The following MEGF8 variants were observed in gnomAD, a reference collection of about 807,000 sequenced individuals.
The protein encoded by MEGF8 is multiple epidermal growth factor-like domains protein 8.
MEGF8 carries 156 observed loss-of-function variants against 302.9 expected under a neutral mutation model. The ratio of observed to expected loss-of-function variants is 0.52; its 90% CI spans 0.45 to 0.59. The LOEUF (loss-of-function observed/expected upper bound fraction) is 0.59, where lower values mean the gene tolerates loss of function less well. Ranked by LOEUF, MEGF8 falls within the 20% of genes least tolerant of loss-of-function variation. The pLI is 0.00. For synonymous variants in MEGF8, 1,621 were observed against 1,660.5 expected (o/e 0.98, Z 0.58); for missense variants, 3,345 against 3,964.5 (o/e 0.84, Z 4.20).
chr19:42,358,969 G>A lies in MEGF8; in HGVS notation c.5343+15G>A, dbSNP rs1251585057. ...ACCTGAAGGAGGTGAGATTTGAAGA[G>A]GGTTAGGATTGGGTGGGCTGGTAGG... On this transcript the variant is annotated intron_variant, in intron 30 of 41. Coordinates refer to ENST00000251268, the MANE Select transcript of MEGF8 (RefSeq NM_001271938.2). The surrounding 1 kb of genome is among the most constrained non-coding windows in gnomAD (Gnocchi z 4.4). 1.7e-5 allele frequency: 27 copies of A among 1,606,156 alleles called. No homozygotes were observed. The highest frequency in any genetic ancestry group is 2.3e-5 in the Non-Finnish European group (27 of 1,176,716).
intron 23 of MEGF8, among the ~76,000 whole-genome samples, chr19:42,355,077 C>G (rs186192834): frequency 6.6e-6 from 1 of 152,148 alleles, no homozygotes; most frequent in Non-Finnish European, 1.5e-5. Context: ...CTGCCTCAGC[C>G]TCCCGAGTAG....
rs1399438456 is a variant in MEGF8, at chr19:42,335,324, A to G, written c.767A>G (p.Asp256Gly). ...GGQDLNNALG[D>G]LVLYNFSANT... The stretch of plus-strand genomic sequence containing the variant: ...CAGGACCTCAACAATGCCCTGGGTG[A>G]CCTCGTCCTATACAACTTCTCCGCC... Residue 256 changes from aspartate to glycine, a missense_variant, in exon 5 of 42, where the codon GAC becomes GGC. Transcript: ENST00000251268. 4 of 1,613,920 alleles carry G rather than the reference A, an allele frequency of 2.5e-6. No homozygotes were observed. The highest frequency in any genetic ancestry group is 3.4e-6 in the Non-Finnish European group (4 of 1,179,858).
chr19:42,363,304 C>T, intron 35 of MEGF8, 42 bp downstream of exon 35: 1 of 1,520,664 alleles, frequency 6.6e-7, no homozygotes, highest in Non-Finnish European at 8.9e-7. Context: ...AGGGCCCGGG[C>T]AGGTCTCCCT....
In MEGF8 at chr19:42,353,025, C is replaced by T; in HGVS notation, c.3448C>T (p.Pro1150Ser). The T allele has an allele frequency of 2.6e-6, 4 of 1,558,816 alleles. No homozygotes were observed. In the South Asian group the frequency reaches 4.7e-5, roughly 18 times the overall value. The stretch of plus-strand genomic sequence containing the variant: ...GACATCAGACCTGCCCCCTCCCACA[C>T]CCGCCCCGGGTCCGCCAGCCCCCCG... ...GWTSDLPPPT[P>S]APGPPAPRCS... Residue 1150 changes from proline to serine, a missense_variant, in exon 20 of 42, where the codon CCC (proline) becomes TCC (serine). Coordinates refer to ENST00000251268, the MANE Select transcript of MEGF8 (RefSeq NM_001271938.2). This position sits in a 1 kb window ranked among gnomAD's most constrained non-coding sequence, Gnocchi z 6.1.
Position 42,353,775 on chromosome 19 carries a change from G to A in MEGF8, c.3762G>A (p.Arg1254=). 6.3e-7 allele frequency: 1 copy of A among 1,595,906 alleles called. No individual in the cohort carries two copies. The highest frequency in any genetic ancestry group is 8.6e-7 in the Non-Finnish European group (1 of 1,168,298). Residue 1254 remains arginine, a splice_region_variant and synonymous_variant, in exon 22 of 42, where the codon CGG becomes CGA. Coordinates refer to ENST00000251268, the MANE Select transcript of MEGF8 (RefSeq NM_001271938.2). The surrounding 1 kb of genome is among the most constrained non-coding windows in gnomAD (Gnocchi z 6.1). ...LCSPGYYGDP[R]AGGSCFRECG... ...CACTGGCTCTTCTCCATCTCCCCAG[G>A]GCCGGTGGTTCCTGCTTTCGGGAGT...
intron 41 of MEGF8, among the ~76,000 whole-genome samples, chr19:42,374,337 G>A (rs1031656730): frequency 6.6e-6 from 1 of 151,966 alleles, no homozygotes; most frequent in Non-Finnish European, 1.5e-5. Flanking sequence ...TGGGTGTGGT[G>A]GCGGACACCT....
chr19:42,344,371 C>A lies in MEGF8; in HGVS notation c.1789-70C>A. Reference sequence around the variant, plus strand: ...CCTTTCCATCGCAGGACCCTGTATCCACAGCCCTTCCTTCCCAGATCTCTT... The same window carrying A: ...CCTTTCCATCGCAGGACCCTGTATCAACAGCCCTTCCTTCCCAGATCTCTT... On this transcript the variant is annotated intron_variant, in intron 10 of 41. Coordinates refer to ENST00000251268, the MANE Select transcript of MEGF8 (RefSeq NM_001271938.2). This position sits in a 1 kb window ranked among gnomAD's most constrained non-coding sequence, Gnocchi z 4.5. 1.3e-6 allele frequency: 2 copies of A among 1,512,910 alleles called. No homozygotes were observed. Among genetic ancestry groups the A allele is most frequent in the Non-Finnish European group, 1.8e-6 (2 of 1,135,848 alleles). The allele number at this position is 1,512,910 out of a possible 1,614,324, so 93.7% of individuals were successfully genotyped here.
intron 39 of MEGF8, 137 bp downstream of exon 39, chr19:42,370,496 G>A: frequency 3.2e-6 from 3 of 939,250 alleles, no homozygotes; most frequent in Non-Finnish European, 3.1e-6. Flanking sequence ...TCCTGGGTCT[G>A]AGAGAGTAGA....
At chr19:42,335,238 TG>T in intron 4 of MEGF8, 23 bp downstream of exon 4, 1 of 1,614,006 alleles carries the variant, frequency 6.2e-7, no homozygotes. Flanking sequence ...GGCGAGTATC[TG>T]GGATCTGGAG....
intron 12 of MEGF8, among the ~76,000 whole-genome samples, chr19:42,345,695 C>T (rs1386936683): frequency 2.0e-5 from 3 of 152,222 alleles, no homozygotes; most frequent in Non-Finnish European, 4.4e-5. Flanking sequence ...CATTCATCAG[C>T]TGATGGACGT....
Position 42,353,014 on chromosome 19 carries a change from C to A in MEGF8, c.3437C>A (p.Pro1146His). 1 of 1,569,320 alleles carries A rather than the reference C, an allele frequency of 6.4e-7. No individual in the cohort carries two copies. The highest frequency in any genetic ancestry group is 8.6e-7 in the Non-Finnish European group (1 of 1,157,634). ...GACCTAGGCTGGACATCAGACCTGCCCCCTCCCACACCCGCCCCGGGTCCG... is the reference window on the plus strand; with the variant it reads ...GACCTAGGCTGGACATCAGACCTGCACCCTCCCACACCCGCCCCGGGTCCG... ...VCDLGWTSDL[P>H]PPTPAPGPPA... is the part of the protein sequence containing the mutation. Residue 1146 changes from proline (P) to histidine (H), a missense_variant, in exon 20 of 42, where the codon CCC (proline) becomes CAC (histidine). Coordinates refer to ENST00000251268, the MANE Select transcript of MEGF8 (RefSeq NM_001271938.2). The surrounding 1 kb of genome is among the most constrained non-coding windows in gnomAD (Gnocchi z 6.1).
Position 42,344,318 on chromosome 19 carries a change from T to G in MEGF8, c.1789-123T>G. On this transcript the variant is annotated intron_variant, in intron 10 of 41. Coordinates refer to ENST00000251268, the MANE Select transcript of MEGF8 (RefSeq NM_001271938.2). This position sits in a 1 kb window ranked among gnomAD's most constrained non-coding sequence, Gnocchi z 4.5. The stretch of plus-strand genomic sequence containing the variant: ...TCCTCTGGATCTCCCACATTCCAAG[T>G]CAACTCCCCGTTCTTCAGTTTTTTC... The G allele has an allele frequency of 1.5e-6, 2 of 1,325,628 alleles. No homozygotes were observed. The highest frequency in any genetic ancestry group is 2.0e-6 in the Non-Finnish European group (2 of 998,618). 82.1% of individuals were successfully genotyped at this position (1,325,628 alleles called of 1,614,324 possible). A position where few individuals can be genotyped will look rare whatever the true frequency, so the allele number is the denominator to read the frequency against.
rs1260583370 is a variant in MEGF8 at position 42,353,684 on chromosome 19, A to G, written c.3761+9A>G. 3 of 1,577,696 alleles carry G rather than the reference A, an allele frequency of 1.9e-6. No homozygotes were observed. Among genetic ancestry groups the G allele is most frequent in the Non-Finnish European group, 8.6e-7 (1 of 1,157,176 alleles). Reference sequence around the variant, plus strand: ...TATTATGGGGATCCCCGGTGAGCCAACGGGCCAGCCAGGGCTGGGTAGGGT... The same window carrying G: ...TATTATGGGGATCCCCGGTGAGCCAGCGGGCCAGCCAGGGCTGGGTAGGGT... On this transcript the variant is annotated intron_variant, in intron 21 of 41. Coordinates refer to ENST00000251268, the MANE Select transcript of MEGF8 (RefSeq NM_001271938.2). This position sits in a 1 kb window ranked among gnomAD's most constrained non-coding sequence, Gnocchi z 6.1.
At chr19:42,345,634 T>A (rs1210588458) in intron 12 of MEGF8, among the ~76,000 whole-genome samples, 1 of 152,256 alleles carries the variant, frequency 6.6e-6, no homozygotes, top group Non-Finnish European at 1.5e-5. Flanking sequence ...TCTATTCCTT[T>A]TTATGGTTGA....
Position 42,375,401 on chromosome 19 carries a change from C to T in MEGF8, c.7270-106C>T. ...GGGGCAGTGGGGGTGAGGCCCAGGG[C>T]AATGGCTACTTAGCAGTGGGTATAG... On this transcript the variant is annotated intron_variant, in intron 41 of 41. Transcript: ENST00000251268. The surrounding 1 kb of genome is among the most constrained non-coding windows in gnomAD (Gnocchi z 7.1). 1 of 1,171,342 alleles carries T rather than the reference C, an allele frequency of 8.5e-7. No homozygotes were observed. The highest frequency in any genetic ancestry group is 2.7e-5 in the Admixed American group (1 of 36,682). 72.6% of individuals were successfully genotyped at this position (1,171,342 alleles called of 1,614,324 possible). A position where few individuals can be genotyped will look rare whatever the true frequency, so the allele number is the denominator to read the frequency against.
chr19:42,334,625 C>T (rs1008079969), intron 3 of MEGF8, among the ~76,000 whole-genome samples: 1 of 152,202 alleles, frequency 6.6e-6, no homozygotes, highest in Admixed American at 6.5e-5. Context: ...TTTGAGCCCT[C>T]CCCGCCTTGA....
intron 3 of MEGF8, among the ~76,000 whole-genome samples, 156 bp from the exon 4 acceptor site, chr19:42,334,879 T>G (rs1254420243): frequency 2.0e-5 from 3 of 152,030 alleles, no homozygotes; most frequent in African/African-American, 7.2e-5. Flanking sequence ...CTCTCTCTCT[T>G]TCCTTTTCCA....
In MEGF8 at chr19:42,349,700, G is replaced by C; in HGVS notation, c.2499+1G>C. On this transcript the variant is annotated splice_donor_variant, in intron 14 of 41. Coordinates refer to ENST00000251268, the MANE Select transcript of MEGF8 (RefSeq NM_001271938.2). LOFTEE classifies it high-confidence loss of function. ...TCGGACTGGTGTGCCAGGAGGCAGC[G>C]TGAGTACCCAGGACCTACCTCCAAC... 6.2e-7 allele frequency: 1 copy of C among 1,611,154 alleles called. No homozygotes were observed. Among genetic ancestry groups the C allele is most frequent in the Non-Finnish European group, 8.5e-7 (1 of 1,179,530 alleles).
Position 42,355,882 on chromosome 19 carries a change from C to T in MEGF8, c.4269C>T (p.Pro1423=). The T allele has an allele frequency of 1.3e-6, 2 of 1,578,412 alleles. No homozygotes were observed. Among genetic ancestry groups the T allele is most frequent in the South Asian group, 2.3e-5 (2 of 86,634 alleles). ...GTCCCGTCCCCCAGGAATGCGTGCC[C>T]CAGGACGGTGCTGCAGGTGCGGGGC... ...GSCPVPQECV[P]QDGAAGAGLC... The change falls in exon 24 of 42, where the codon CCC becomes CCT. Residue 1423 remains proline (P), a synonymous_variant. Coordinates refer to ENST00000251268, the MANE Select transcript of MEGF8 (RefSeq NM_001271938.2).
Sources: gnomAD v4.1 joint callset for allele counts (sites outside exome capture counted in the v4.1 genomes callset) on GRCh38, gnomAD v4.1.1 for gene constraint, Gnocchi (gnomAD v3.1) non-coding constraint, MANE v1.5 for transcripts, NCBI Gene and HGNC (gene_info 2026-07-23, HGNC 2026-07-21) for gene names.